The following TRIM44 variants were observed in gnomAD, a reference collection of about 807,000 sequenced individuals.
TRIM44 encodes tripartite motif-containing protein 44.
Under a neutral mutation model 37.4 loss-of-function variants are expected in TRIM44, and 13 were observed. That is an observed-to-expected ratio of 0.35 (90% CI 0.23 to 0.55). The LOEUF is 0.55. Ranked by LOEUF, TRIM44 falls within the 20% of genes least tolerant of loss-of-function variation. The pLI is 0.89. For missense variants in TRIM44, 426 were observed against 437.2 expected (o/e 0.97, Z 0.23); for synonymous variants, 175 against 157.2 (o/e 1.11, Z -0.85).
rs536984926 is a variant in TRIM44, at chr11:35,740,204, C to A, written c.1007+4759C>A. 2.1e-5 allele frequency among the ~76,000 whole-genome samples: 3 copies of A among 141,824 alleles called. No individual in the cohort carries two copies. In the East Asian group the frequency reaches 6.8e-4, roughly 32 times the overall value. 93.0% of individuals were successfully genotyped at this position (141,824 alleles called of 152,430 possible). A position where few individuals can be genotyped will look rare whatever the true frequency, so the allele number is the denominator to read the frequency against. Reference sequence around the variant, plus strand: ...ACTTTTGGCATCAATTTTCTGCCTTCTCTGTGCTATTATGAGAGATCTTGT... The same window carrying A: ...ACTTTTGGCATCAATTTTCTGCCTTATCTGTGCTATTATGAGAGATCTTGT... On this transcript the variant is annotated intron_variant, in intron 4 of 4. Coordinates refer to ENST00000299413, the MANE Select transcript of TRIM44 (RefSeq NM_017583.6).
intron 4 of TRIM44, among the ~76,000 whole-genome samples, chr11:35,752,618 C>T (rs980942717): frequency 6.6e-6 from 1 of 152,084 alleles, no homozygotes; most frequent in African/African-American, 2.4e-5. Flanking sequence ...GAAAGAGAGC[C>T]TATAAAGCCT....
chr11:35,669,437 T>C (rs1851366795), intron 1 of TRIM44, among the ~76,000 whole-genome samples: 1 of 151,864 alleles, frequency 6.6e-6, no homozygotes, highest in Non-Finnish European at 1.5e-5. Context: ...GGGTCCCAAG[T>C]CTATATGGAA....
intron 2 of TRIM44, among the ~76,000 whole-genome samples, chr11:35,703,542 C>T (rs558858597): frequency 7.9e-5 from 12 of 152,132 alleles, no homozygotes; most frequent in South Asian, 2.1e-4. Flanking sequence ...CTCACACGGC[C>T]GGGTACTCCC....
intron 1 of TRIM44, among the ~76,000 whole-genome samples, chr11:35,683,314 G>A (rs533859746): frequency 1.3e-5 from 2 of 152,270 alleles, no homozygotes; most frequent in South Asian, 2.1e-4. Context: ...ACATGGAAAT[G>A]TGATTTAAGC....
intron 2 of TRIM44, among the ~76,000 whole-genome samples, chr11:35,714,339 T>C (rs1852012520): frequency 6.6e-6 from 1 of 152,172 alleles, no homozygotes; most frequent in Non-Finnish European, 1.5e-5. Context: ...AGAATGTTAT[T>C]ATTACCCTCA....
rs1276933806 is a variant in TRIM44 at position 35,815,225 on chromosome 11, CCTCA to C, written c.*8843_*8846del. On this transcript the variant is annotated 3_prime_UTR_variant, in exon 5 of 5. Coordinates refer to ENST00000299413, the MANE Select transcript of TRIM44 (RefSeq NM_017583.6). ...CTGGCTTGAGGGTGGCCATTTGTTG[CCTCA>C]CTGTTTTTATTAGGACATCTGGAGA... 6.6e-6 allele frequency: 1 copy of C among 152,134 alleles called. No homozygotes were observed. The highest frequency in any genetic ancestry group is 2.4e-5 in the African/African-American group (1 of 41,432). 9.4% of individuals were successfully genotyped at this position (152,134 alleles called of 1,614,324 possible). A position where few individuals can be genotyped will look rare whatever the true frequency, so the allele number is the denominator to read the frequency against.
chr11:35,712,808 A>G (rs1288063305), intron 2 of TRIM44, among the ~76,000 whole-genome samples: 2 of 152,124 alleles, frequency 1.3e-5, no homozygotes, highest in Non-Finnish European at 2.9e-5. Context: ...TGTATTTGAC[A>G]GTTAATTTAG....
chr11:35,788,668 T>G (rs974443559), intron 4 of TRIM44, among the ~76,000 whole-genome samples: 1 of 152,220 alleles, frequency 6.6e-6, no homozygotes, highest in African/African-American at 2.4e-5. Flanking sequence ...CCAGTGGTTC[T>G]CAGCGTTGGT....
intron 2 of TRIM44, among the ~76,000 whole-genome samples, chr11:35,701,142 C>T (rs953307349): frequency 8.6e-5 from 13 of 152,034 alleles, no homozygotes; most frequent in African/African-American, 2.9e-4. Flanking sequence ...ACAAGTCCCC[C>T]AAAATTAAGG....
At chr11:35,761,173 T>C (rs917640592) in intron 4 of TRIM44, among the ~76,000 whole-genome samples, 2 of 152,246 alleles carry the variant, frequency 1.3e-5, no homozygotes, top group Non-Finnish European at 2.9e-5. Context: ...ATATACTACA[T>C]TTTATTTATT....
intron 2 of TRIM44, among the ~76,000 whole-genome samples, chr11:35,717,116 C>T (rs1457895457): frequency 6.6e-6 from 1 of 152,192 alleles, no homozygotes; most frequent in East Asian, 1.9e-4. Context: ...AACTGTGAGA[C>T]TGATTTCCTG....
intron 2 of TRIM44, among the ~76,000 whole-genome samples, chr11:35,720,770 A>G (rs189775415): frequency 6.6e-6 from 1 of 152,192 alleles, no homozygotes; most frequent in Non-Finnish European, 1.5e-5. Context: ...GAGTTTTGTC[A>G]GGTGATTTTT....
chr11:35,681,418 A>T (rs1009984479), intron 1 of TRIM44, among the ~76,000 whole-genome samples: 2 of 152,186 alleles, frequency 1.3e-5, no homozygotes, highest in African/African-American at 4.8e-5. Flanking sequence ...TCTACAGATT[A>T]ATCAAATTCT....
At chr11:35,796,734 G>A (rs988027555) in intron 4 of TRIM44, among the ~76,000 whole-genome samples, 4 of 152,176 alleles carry the variant, frequency 2.6e-5, no homozygotes, top group Non-Finnish European at 5.9e-5. Flanking sequence ...GAAGGCCAAT[G>A]TAAAGGCAAA....
At chr11:35,753,228 G>A (rs1852580656) in intron 4 of TRIM44, among the ~76,000 whole-genome samples, 1 of 152,178 alleles carries the variant, frequency 6.6e-6, no homozygotes, top group South Asian at 2.1e-4. Context: ...ATGAGCAAAT[G>A]TATATGAGTC....
intron 1 of TRIM44, among the ~76,000 whole-genome samples, chr11:35,665,136 T>A (rs1232716234): frequency 6.6e-6 from 1 of 152,184 alleles, no homozygotes; most frequent in African/African-American, 2.4e-5. Context: ...AGATGGTCAT[T>A]TGATTTGTTC....
At chr11:35,751,498 A>G (rs1253716661) in intron 4 of TRIM44, among the ~76,000 whole-genome samples, 2 of 152,238 alleles carry the variant, frequency 1.3e-5, no homozygotes, top group Non-Finnish European at 2.9e-5. Context: ...AGACCAGGAT[A>G]TCAGGCTTTC....
In TRIM44 at chr11:35,811,103, AT is replaced by A. The variant is rs1328110033; in HGVS notation, c.*4719del. ...AGGACCCTGCAAGGTGTAAATATTT[AT>A]GACGAGCTGCATACTTGACTGTGGT... On this transcript the variant is annotated 3_prime_UTR_variant, in exon 5 of 5. Transcript: ENST00000299413. 6.6e-6 allele frequency: 1 copy of A among 152,184 alleles called. No homozygotes were observed. The highest frequency in any genetic ancestry group is 2.4e-5 in the African/African-American group (1 of 41,448). 9.4% of individuals were successfully genotyped at this position (152,184 alleles called of 1,614,324 possible). A position where few individuals can be genotyped will look rare whatever the true frequency, so the allele number is the denominator to read the frequency against.
chr11:35,777,654 G>T (rs1409041896), intron 4 of TRIM44, among the ~76,000 whole-genome samples: 1 of 152,130 alleles, frequency 6.6e-6, no homozygotes, highest in Non-Finnish European at 1.5e-5. Flanking sequence ...AGGCCTGGTG[G>T]TGACAAAATC....
Sources: gnomAD v4.1 joint callset for allele counts (sites outside exome capture counted in the v4.1 genomes callset) on GRCh38, gnomAD v4.1.1 for gene constraint, MANE v1.5 for transcripts, NCBI Gene and HGNC (gene_info 2026-07-23, HGNC 2026-07-21) for gene names.